TSPAN12: variants seen among roughly 807,000 people sequenced by gnomAD.
The protein encoded by TSPAN12 is tetraspanin-12.
In TSPAN12, 19 loss-of-function variants were observed where a neutral mutation model predicts 39.2. The ratio of observed to expected loss-of-function variants is 0.49; its 90% CI spans 0.34 to 0.71. The LOEUF (loss-of-function observed/expected upper bound fraction) is 0.71. Ranked by LOEUF, TSPAN12 falls within the 30% of genes least tolerant of loss-of-function variation. The pLI is 0.01. For synonymous variants in TSPAN12, 119 were observed against 124.8 expected (o/e 0.95, Z 0.31); for missense variants, 314 against 359.9 (o/e 0.87, Z 1.03).
intron 4 of TSPAN12, among the ~76,000 whole-genome samples, chr7:120,831,331 G>T (rs1794387004): frequency 6.6e-6 from 1 of 151,950 alleles, no homozygotes; most frequent in Non-Finnish European, 1.5e-5. Flanking sequence ...ATGCCACAGA[G>T]ATATCTGTAT....
At chr7:120,806,821 T>C in intron 6 of TSPAN12, 129 bp from the exon 7 acceptor site, 1 of 1,129,576 alleles carries the variant, frequency 8.9e-7, no homozygotes, top group East Asian at 2.6e-5. Context: ...ATGATATATG[T>C]ACAGTCTATG....
At chr7:120,852,303 T>C (rs1288964385) in intron 2 of TSPAN12, among the ~76,000 whole-genome samples, 1 of 152,154 alleles carries the variant, frequency 6.6e-6, no homozygotes, top group East Asian at 1.9e-4. Flanking sequence ...TAAAAGCCTA[T>C]AGCTTTTCAC....
chr7:120,793,551 T>C lies in TSPAN12; in HGVS notation c.613-4654A>G, dbSNP rs188065469. Among the ~76,000 whole-genome samples, 4 of 152,304 alleles carry C rather than the reference T, an allele frequency of 2.6e-5. No individual in the cohort carries two copies. The East Asian group carries it at 5.8e-4, about 22-fold the overall frequency. On this transcript the variant is annotated intron_variant, in intron 7 of 7. Coordinates refer to ENST00000222747, the MANE Select transcript of TSPAN12 (RefSeq NM_012338.4). The stretch of plus-strand genomic sequence containing the variant: ...TCATTTTGTTTAAAAAGCATACAGG[T>C]AACTCCTCAAACAAGGCAGAACTTC...
rs761291209 is a variant in TSPAN12, at chr7:120,856,675, TTGG to T, written c.66+20_66+22del. 9.3e-6 allele frequency: 15 copies of T among 1,613,794 alleles called. No homozygotes were observed. In the African/African-American group the frequency reaches 1.5e-4, roughly 16 times the overall value. Reference sequence around the variant, plus strand: ...AACCAGAGCCAGCCGTTCCCACCTGTTGGTGCAGTGAAACTTACTTACCCAAAA... The same window carrying T: ...AACCAGAGCCAGCCGTTCCCACCTGTTGCAGTGAAACTTACTTACCCAAAA... On this transcript the variant is annotated intron_variant, in intron 2 of 7. Coordinates refer to ENST00000222747, the MANE Select transcript of TSPAN12 (RefSeq NM_012338.4).
rs2116525534 is a variant in TSPAN12, at chr7:120,857,877, G to T, written c.-128C>A. The T allele has an allele frequency of 6.6e-6, 1 of 152,448 alleles. No individual in the cohort carries two copies. Among genetic ancestry groups the T allele is most frequent in the East Asian group, 1.9e-4 (1 of 5,162 alleles). 9.4% of individuals were successfully genotyped at this position (152,448 alleles called of 1,614,324 possible). ...CTGGGGATAGTCGGGGACGCACGGC[G>T]GGGGCTCATCGGGGCAGGGAACTTC... On this transcript the variant is annotated 5_prime_UTR_variant, in exon 1 of 8. Coordinates refer to ENST00000222747, the MANE Select transcript of TSPAN12 (RefSeq NM_012338.4).
chr7:120,819,897 CATG>C (rs1217877575), intron 4 of TSPAN12, among the ~76,000 whole-genome samples: 1 of 152,100 alleles, frequency 6.6e-6, no homozygotes, highest in Non-Finnish European at 1.5e-5. Context: ...ATCTATAAAG[CATG>C]ATGCTAATCT....
chr7:120,822,945 G>A (rs1263432362), intron 4 of TSPAN12, among the ~76,000 whole-genome samples: 6 of 152,090 alleles, frequency 3.9e-5, no homozygotes, highest in Non-Finnish European at 8.8e-5. Flanking sequence ...ACTTCTAAAG[G>A]ACAGCAAACG....
In TSPAN12 at chr7:120,787,404, A is replaced by G. The variant is rs1793429878; in HGVS notation, c.*1188T>C. The G allele has an allele frequency of 6.6e-6, 1 of 152,564 alleles. No homozygotes were observed. Among genetic ancestry groups the G allele is most frequent in the Non-Finnish European group, 1.5e-5 (1 of 67,962 alleles). The allele number at this position is 152,564 out of a possible 1,614,324, so 9.5% of individuals were successfully genotyped here. On this transcript the variant is annotated 3_prime_UTR_variant, in exon 8 of 8. Coordinates refer to ENST00000222747, the MANE Select transcript of TSPAN12 (RefSeq NM_012338.4). ...AAACAAAATACACAAAATACAGTAA[A>G]ATGCACTTTTCCCATTTCAAATAAA...
At chr7:120,839,445 C>T (rs935649772) in intron 3 of TSPAN12, among the ~76,000 whole-genome samples, 3 of 151,970 alleles carry the variant, frequency 2.0e-5, no homozygotes, top group Admixed American at 6.6e-5. Context: ...ATTCATTAAC[C>T]GAAACCAGTA....
At chr7:120,798,904 C>T (rs1286312318) in intron 7 of TSPAN12, among the ~76,000 whole-genome samples, 2 of 152,158 alleles carry the variant, frequency 1.3e-5, no homozygotes, top group Non-Finnish European at 2.9e-5. Flanking sequence ...AGAGTTACTA[C>T]CACTACTATG....
chr7:120,814,673 G>A (rs1431278029), intron 5 of TSPAN12, among the ~76,000 whole-genome samples: 1 of 152,274 alleles, frequency 6.6e-6, no homozygotes, highest in East Asian at 1.9e-4. Context: ...TGAGTGCAAG[G>A]GTGAAGTGCA....
intron 6 of TSPAN12, among the ~76,000 whole-genome samples, chr7:120,808,793 G>A (rs1584930893): frequency 1.3e-5 from 2 of 151,986 alleles, no homozygotes; most frequent in Non-Finnish European, 2.9e-5. Flanking sequence ...CTGCAATACA[G>A]GTTATTCTAG....
chr7:120,821,552 G>A (rs1947319426), intron 4 of TSPAN12, among the ~76,000 whole-genome samples: 1 of 152,048 alleles, frequency 6.6e-6, no homozygotes, highest in African/African-American at 2.4e-5. Context: ...CTACACCTCA[G>A]TTTCTTCATT....
rs1051255423 is a variant in TSPAN12 at position 120,833,414 on chromosome 7, CA to C, written c.285+5362del. On this transcript the variant is annotated intron_variant, in intron 4 of 7. Transcript: ENST00000222747. ...TTTAAACAACAAACAAACAAACAAA[CA>C]AAAAAAAAACAAGGGGAAATTTCTC... is the stretch of plus-strand genomic sequence containing the variant. Among the ~76,000 whole-genome samples the C allele has an allele frequency of 1.9e-3, 267 of 143,752 alleles. 2 individuals are homozygous for C. Among genetic ancestry groups the C allele is most frequent in the African/African-American group, 6.3e-3 (249 of 39,416 alleles). 94.3% of individuals were successfully genotyped at this position (143,752 alleles called of 152,430 possible). A position where few individuals can be genotyped will look rare whatever the true frequency, so the allele number is the denominator to read the frequency against.
In TSPAN12 at chr7:120,815,793, CT is replaced by C; in HGVS notation, c.295del (p.Ser99ValfsTer8). On this transcript the variant is annotated frameshift_variant, in exon 5 of 8. Coordinates refer to ENST00000222747, the MANE Select transcript of TSPAN12 (RefSeq NM_012338.4). LOFTEE classifies it high-confidence loss of function. ...TTCTACACAGAAAATGACAAGCAAA[CT>C]TCCAAAGTACTGTAGAAAAACAGAA... is the stretch of plus-strand genomic sequence containing the variant. ...NLLLLAWYFG[S>X]LLVIFCVELA... The C allele has an allele frequency of 3.7e-6, 6 of 1,612,560 alleles. No homozygotes were observed. The highest frequency in any genetic ancestry group is 5.1e-6 in the Non-Finnish European group (6 of 1,179,478).
At chr7:120,849,243 TAGAA>T (rs1207808680) in intron 2 of TSPAN12, among the ~76,000 whole-genome samples, 2 of 152,248 alleles carry the variant, frequency 1.3e-5, no homozygotes, top group Non-Finnish European at 2.9e-5. Flanking sequence ...GCAAAATACT[TAGAA>T]AGTGCTAGCT....
At chr7:120,796,760 C>T (rs917631814) in intron 7 of TSPAN12, among the ~76,000 whole-genome samples, 1 of 152,164 alleles carries the variant, frequency 6.6e-6, no homozygotes, top group Non-Finnish European at 1.5e-5. Context: ...ACCTTCATTG[C>T]CTCATGTACA....
chr7:120,850,513 A>G (rs1794750603), intron 2 of TSPAN12, among the ~76,000 whole-genome samples: 2 of 152,208 alleles, frequency 1.3e-5, no homozygotes, highest in South Asian at 2.1e-4. Flanking sequence ...TTATTCCCTG[A>G]GTGGAGTCAA....
At chr7:120,842,406 A>G (rs555797475) in intron 2 of TSPAN12, among the ~76,000 whole-genome samples, 100 of 151,632 alleles carry the variant, frequency 6.6e-4, no homozygotes, top group Non-Finnish European at 1.2e-3. Flanking sequence ...CCTCTTGGGG[A>G]ACACAGGCAA....
Sources: allele counts gnomAD v4.1 joint callset (sites outside exome capture counted in the v4.1 genomes callset), GRCh38; gene constraint gnomAD v4.1.1; transcripts MANE v1.5; gene names NCBI Gene and HGNC (gene_info 2026-07-23, HGNC 2026-07-21).